Variants in KCTD8 observed in about 807,000 individuals in gnomAD.
KCTD8 encodes potassium channel tetramerization domain containing 8, also known as BTB/POZ domain-containing protein KCTD8.
Under a neutral mutation model 31.5 loss-of-function variants are expected in KCTD8, and 27 were observed. That is an observed-to-expected ratio of 0.86 (90% CI 0.63 to 1.18). The LOEUF (loss-of-function observed/expected upper bound fraction) is 1.18, where lower values mean the gene tolerates loss of function less well. KCTD8 is among the 50% of genes most tolerant of loss of function. The pLI, the probability that KCTD8 is intolerant of heterozygous loss-of-function variation, is 0.00. For missense variants in KCTD8, 658 were observed against 647.7 expected (o/e 1.02, Z -0.17); for synonymous variants, 290 against 280.0 (o/e 1.04, Z -0.36).
chr4:44,236,043 G>A (rs989620498), intron 1 of KCTD8, among the ~76,000 whole-genome samples: 5 of 152,118 alleles, frequency 3.3e-5, no homozygotes, highest in African/African-American at 1.2e-4. Flanking sequence ...CACCTGGAAG[G>A]CAAGGGAAGA....
At chr4:44,195,936 T>G (rs998590534) in intron 1 of KCTD8, among the ~76,000 whole-genome samples, 3 of 152,164 alleles carry the variant, frequency 2.0e-5, no homozygotes, top group African/African-American at 7.2e-5. Context: ...GCATACATAG[T>G]CAAATAGTTA....
At chr4:44,336,711 A>G (rs937883049) in intron 1 of KCTD8, among the ~76,000 whole-genome samples, 19 of 152,118 alleles carry the variant, frequency 1.2e-4, no homozygotes, top group African/African-American at 4.6e-4. Context: ...CTGTACCAGT[A>G]ACAGTTAGAA....
chr4:44,272,802 A>C (rs1174422281), intron 1 of KCTD8, among the ~76,000 whole-genome samples: 2 of 152,056 alleles, frequency 1.3e-5, no homozygotes, highest in Non-Finnish European at 2.9e-5. Context: ...ATATCACTGG[A>C]ACTACTGAAA....
At chr4:44,268,313 T>C (rs1172826048) in intron 1 of KCTD8, among the ~76,000 whole-genome samples, 1 of 152,048 alleles carries the variant, frequency 6.6e-6, no homozygotes, top group Non-Finnish European at 1.5e-5. Flanking sequence ...TCTCAATAGA[T>C]GCAGAAAAGG....
chr4:44,218,123 CCTTTT>C lies in KCTD8; in HGVS notation c.962-42878_962-42874del, dbSNP rs1200215024. Among the ~76,000 whole-genome samples the C allele has an allele frequency of 2.0e-3, 269 of 136,612 alleles. 3 individuals carry two copies. Among genetic ancestry groups the C allele is most frequent in the African/African-American group, 7.1e-3 (247 of 35,000 alleles). 89.6% of individuals were successfully genotyped at this position (136,612 alleles called of 152,430 possible). ...AGTAACACTGTACATTTTAAAATGT[CCTTTT>C]TTTTTTTTTTTTTTTTTTTTTTTGA... On this transcript the variant is annotated intron_variant, in intron 1 of 1. Transcript: ENST00000360029.
At chr4:44,195,484 A>T (rs1713911561) in intron 1 of KCTD8, among the ~76,000 whole-genome samples, 1 of 152,204 alleles carries the variant, frequency 6.6e-6, no homozygotes, top group African/African-American at 2.4e-5. Flanking sequence ...AGGAAAGATC[A>T]TACAGAAGAC....
In KCTD8 at chr4:44,174,056, C is replaced by A. The variant is rs1391445416; in HGVS notation, c.*734G>T. ...ACTCATTTCACAGTAATAATCATGA[C>A]TAGCATTAGTAAATGAATGTTGATG... On this transcript the variant is annotated 3_prime_UTR_variant, in exon 2 of 2. Transcript: ENST00000360029. 6.6e-6 allele frequency: 1 copy of A among 152,002 alleles called. No individual in the cohort carries two copies. Among genetic ancestry groups the A allele is most frequent in the South Asian group, 2.1e-4 (1 of 4,814 alleles). 9.4% of individuals were successfully genotyped at this position (152,002 alleles called of 1,614,324 possible).
chr4:44,317,441 T>A (rs1243007738), intron 1 of KCTD8, among the ~76,000 whole-genome samples: 1 of 147,130 alleles, frequency 6.8e-6, no homozygotes, highest in African/African-American at 2.6e-5. Flanking sequence ...GGGTTTCACC[T>A]TGTTAGCCAG....
intron 1 of KCTD8, among the ~76,000 whole-genome samples, chr4:44,203,918 G>A (rs920649734): frequency 1.3e-5 from 2 of 151,378 alleles, no homozygotes; most frequent in Non-Finnish European, 1.5e-5. Context: ...TAAAAGAAAT[G>A]AGAAATAATT....
At chr4:44,183,995 T>C (rs1713505919) in intron 1 of KCTD8, among the ~76,000 whole-genome samples, 3 of 152,194 alleles carry the variant, frequency 2.0e-5, no homozygotes, top group African/African-American at 7.2e-5. Context: ...AAACTCCATT[T>C]TGATTTCACA....
chr4:44,368,894 T>C (rs1719709499), intron 1 of KCTD8, among the ~76,000 whole-genome samples: 1 of 152,174 alleles, frequency 6.6e-6, no homozygotes, highest in South Asian at 2.1e-4. Context: ...CACATTTCGG[T>C]GTCTGCACTG....
chr4:44,391,205 A>T, intron 1 of KCTD8, among the ~76,000 whole-genome samples: 1 of 151,894 alleles, frequency 6.6e-6, no homozygotes, highest in Admixed American at 6.6e-5. Context: ...GGGATAAAAG[A>T]CTACACATTG....
chr4:44,312,514 A>G (rs539438905), intron 1 of KCTD8, among the ~76,000 whole-genome samples: 1 of 152,186 alleles, frequency 6.6e-6, no homozygotes. Flanking sequence ...AAATCTGAAA[A>G]AAAGCAATAG....
intron 1 of KCTD8, among the ~76,000 whole-genome samples, chr4:44,393,803 A>G (rs1387379389): frequency 1.3e-5 from 2 of 151,926 alleles, no homozygotes; most frequent in Non-Finnish European, 2.9e-5. Context: ...TTCAATAAAC[A>G]TTTACAGAGC....
At chr4:44,355,106 G>T (rs1273273969) in intron 1 of KCTD8, among the ~76,000 whole-genome samples, 1 of 152,040 alleles carries the variant, frequency 6.6e-6, no homozygotes, top group Non-Finnish European at 1.5e-5. Context: ...TAATTGAGAA[G>T]AATTCAGTAC....
At chr4:44,359,801 T>C (rs562970010) in intron 1 of KCTD8, among the ~76,000 whole-genome samples, 1 of 152,084 alleles carries the variant, frequency 6.6e-6, no homozygotes, top group South Asian at 2.1e-4. Context: ...AAGGGAGGTG[T>C]TATTTAAAAT....
intron 1 of KCTD8, among the ~76,000 whole-genome samples, chr4:44,294,017 T>C (rs1000691614): frequency 3.9e-5 from 6 of 152,262 alleles, no homozygotes; most frequent in South Asian, 2.1e-4. Flanking sequence ...CCATTTTGCT[T>C]AAAAATTTAC....
chr4:44,253,973 G>T (rs1036618808), intron 1 of KCTD8, among the ~76,000 whole-genome samples: 6 of 151,846 alleles, frequency 4.0e-5, no homozygotes, highest in African/African-American at 1.4e-4. Context: ...TGGAAGGACA[G>T]TGAAGGCATT....
intron 1 of KCTD8, among the ~76,000 whole-genome samples, chr4:44,398,173 T>G (rs17539194): frequency 0.086 from 13,143 of 152,248 alleles, 592 homozygotes; most frequent in South Asian, 0.16. Context: ...GCTCAAGGCC[T>G]TTAAAGAGTT....
Sources: gnomAD v4.1 joint callset for allele counts (sites outside exome capture counted in the v4.1 genomes callset) on GRCh38, gnomAD v4.1.1 for gene constraint, MANE v1.5 for transcripts, NCBI Gene and HGNC (gene_info 2026-07-23, HGNC 2026-07-21) for gene names.